ANKRD36: variants seen among roughly 807,000 people sequenced by gnomAD.
ANKRD36 encodes ankyrin repeat domain-containing protein 36A.
A neutral mutation model predicts 278.1 loss-of-function variants in ANKRD36; 179 were observed. The observed-to-expected ratio is 0.64, with a 90% CI of 0.57 to 0.73. The LOEUF (loss-of-function observed/expected upper bound fraction) is 0.73. Among genes scored for constraint, ANKRD36 ranks in the 30% least tolerant of loss-of-function variants. ANKRD36 has a pLI of 0.00. For missense variants in ANKRD36, 1,159 were observed against 1,956.7 expected, an observed-to-expected ratio of 0.59 and a Z score of 7.69; for synonymous variants, 320 against 641.1, an observed-to-expected ratio of 0.50 and a Z score of 7.57.
At chr2:97,176,439 A>T (rs1479548916) in intron 22 of ANKRD36, among the ~76,000 whole-genome samples, 1 of 97,366 alleles carries the variant, frequency 1.0e-5, no homozygotes, top group African/African-American at 2.7e-5. Context: ...AGAGACTAGG[A>T]TTGCAACCCC....
At chr2:97,200,056 G>A (rs1198251006) in intron 44 of ANKRD36, among the ~76,000 whole-genome samples, 2 of 151,828 alleles carry the variant, frequency 1.3e-5, no homozygotes, top group African/African-American at 2.4e-5. Context: ...CTCATCACTC[G>A]GCATATCCAC....
chr2:97,233,086 C>T (rs1257524728), intron 67 of ANKRD36, among the ~76,000 whole-genome samples: 4 of 151,424 alleles, frequency 2.6e-5, no homozygotes, highest in African/African-American at 4.9e-5. Flanking sequence ...TTCCAGAAGC[C>T]GTTATGTGAC....
At chr2:97,171,896 C>A (rs2052665473) in intron 22 of ANKRD36, among the ~76,000 whole-genome samples, 1 of 152,000 alleles carries the variant, frequency 6.6e-6, no homozygotes, top group South Asian at 2.1e-4. Context: ...GCAATGGCAA[C>A]AAAAGCCAGA....
Position 97,113,882 on chromosome 2 carries a change from T to C in ANKRD36, c.143T>C (p.Leu48Pro), listed in dbSNP as rs201414521. 2.2e-4 allele frequency: 354 copies of C among 1,613,002 alleles called. No individual in the cohort carries two copies. The highest frequency in any genetic ancestry group is 1.8e-4 in the Non-Finnish European group (218 of 1,179,970). ...GTCTTACATGGTAATCTAGAGAAAC[T>C]GAAGTACCTTCTGCTCACGTATTAT... ...RAVLHGNLEK[L>P]KYLLLTYYDA... The change falls in exon 1 of 76, where the codon CTG (leucine) becomes CCG (proline). Residue 48 changes from leucine (L) to proline (P), a missense_variant. By Grantham distance (98) the Leu-to-Pro change is moderately conservative. Coordinates refer to ENST00000420699, the MANE Select transcript of ANKRD36 (RefSeq NM_001354587.1).
chr2:97,195,558 T>C (rs938275226), intron 40 of ANKRD36, among the ~76,000 whole-genome samples: 3 of 152,016 alleles, frequency 2.0e-5, no homozygotes, highest in Admixed American at 6.6e-5. Context: ...AAAAACAAAA[T>C]GACTCATTAC....
intron 66 of ANKRD36, among the ~76,000 whole-genome samples, chr2:97,221,588 G>A (rs1159518546): frequency 1.4e-5 from 2 of 143,610 alleles, no homozygotes; most frequent in Admixed American, 7.0e-5. Flanking sequence ...TTTGAGAAGT[G>A]TCTGTTCATG....
chr2:97,133,413 G>A (rs1489224267), intron 6 of ANKRD36, among the ~76,000 whole-genome samples: 2 of 151,820 alleles, frequency 1.3e-5, no homozygotes, highest in Non-Finnish European at 2.9e-5. Flanking sequence ...GTTCTTATTC[G>A]ATTAACCTTT....
Position 97,200,529 on chromosome 2 carries a change from A to G in ANKRD36, c.2857+4A>G, listed in dbSNP as rs1167533898. 3 of 1,552,018 alleles carry G rather than the reference A, an allele frequency of 1.9e-6. No individual in the cohort carries two copies. The highest frequency in any genetic ancestry group is 2.6e-6 in the Non-Finnish European group (3 of 1,153,294). On this transcript the variant is annotated splice_donor_region_variant and intron_variant, in intron 46 of 75. Transcript: ENST00000420699. The stretch of plus-strand genomic sequence containing the variant: ...GATGGAGAAATATCTAGGAAAGGTA[A>G]TTTTGCGAAACACATTTAATGTCAT...
chr2:97,187,752 T>C (rs2057739313), intron 32 of ANKRD36, among the ~76,000 whole-genome samples: 2 of 151,804 alleles, frequency 1.3e-5, no homozygotes, highest in Non-Finnish European at 2.9e-5. Context: ...GTATAGATTC[T>C]ACAGACGTCA....
intron 3 of ANKRD36, among the ~76,000 whole-genome samples, 197 bp from the exon 4 acceptor site, chr2:97,122,690 G>A (rs1407398638): frequency 1.3e-5 from 2 of 150,866 alleles, no homozygotes; most frequent in African/African-American, 4.9e-5. Flanking sequence ...GAGTTCTTGT[G>A]GTGAGGCAGA....
chr2:97,192,882 T>C lies in ANKRD36; in HGVS notation c.2372T>C (p.Leu791Ser). ...GTVSSQKPPA[L>S]TATSDEEGSV... ...GTGTCTTCTCAGAAACCACCAGCCT[T>C]GACGGTAATGAAACACTCATTTATA... Residue 791 changes from leucine to serine, a missense_variant, in exon 37 of 76, where the codon TTG becomes TCG. Leu to Ser is a moderately radical substitution (Grantham distance 145). Coordinates refer to ENST00000420699, the MANE Select transcript of ANKRD36 (RefSeq NM_001354587.1). 6.2e-7 allele frequency: 1 copy of C among 1,603,842 alleles called. No individual in the cohort carries two copies. The highest frequency in any genetic ancestry group is 1.7e-5 in the Admixed American group (1 of 59,588).
chr2:97,194,357 CAT>C (rs2059200419), intron 38 of ANKRD36, among the ~76,000 whole-genome samples: 1 of 151,648 alleles, frequency 6.6e-6, no homozygotes, highest in African/African-American at 2.4e-5. Context: ...GCATGAAAGA[CAT>C]ATGGGATCAT....
At chr2:97,232,172 T>G (rs1316834099) in intron 67 of ANKRD36, among the ~76,000 whole-genome samples, 1 of 152,042 alleles carries the variant, frequency 6.6e-6, no homozygotes, top group Non-Finnish European at 1.5e-5. Context: ...AATTTTTCTC[T>G]TTTTACACTT....
intron 6 of ANKRD36, among the ~76,000 whole-genome samples, chr2:97,133,966 C>G (rs1470669767): frequency 3.3e-5 from 5 of 151,782 alleles, no homozygotes; most frequent in Admixed American, 3.3e-4. Flanking sequence ...TAAGTTCCCT[C>G]TTGGTATTGT....
rs1222926816 is a variant in ANKRD36, at chr2:97,202,420, A to G, written c.2959+27A>G. ...TAATTTTGAAAACAGATTTAATGTCATGTTCAGTCCAGGTAGATAAGAAGT... is the reference window on the plus strand; with the variant it reads ...TAATTTTGAAAACAGATTTAATGTCGTGTTCAGTCCAGGTAGATAAGAAGT... On this transcript the variant is annotated intron_variant, in intron 48 of 75. Coordinates refer to ENST00000420699, the MANE Select transcript of ANKRD36 (RefSeq NM_001354587.1). 4 of 1,544,210 alleles carry G rather than the reference A, an allele frequency of 2.6e-6. No individual in the cohort carries two copies. The African/African-American group carries it at 5.5e-5, about 21-fold the overall frequency.
At position 97,118,401 on chromosome 2, in the gene ANKRD36, C is replaced by G; in HGVS notation, c.370C>G (p.Pro124Ala). The G allele has an allele frequency of 1.2e-6, 2 of 1,608,024 alleles. No individual in the cohort carries two copies. Among genetic ancestry groups the G allele is most frequent in the Non-Finnish European group, 1.7e-6 (2 of 1,177,666 alleles). The change falls in exon 3 of 76, where the codon CCA becomes GCA. Residue 124 changes from proline to alanine, a missense_variant. Transcript: ENST00000420699. ...TCTTCTGCTGCAAAATGGCGCCAAT[C>G]CAAATATTACGGATTTCTTTGGAAG... ...ATLLLQNGAN[P>A]NITDFFGRTA... is the part of the protein sequence containing the mutation.
At chr2:97,141,677 A>T (rs199835376) in intron 6 of ANKRD36, among the ~76,000 whole-genome samples, 4 of 129,508 alleles carry the variant, frequency 3.1e-5, no homozygotes, top group Non-Finnish European at 6.6e-5. Context: ...AATGAAATAA[A>T]CATGAATGTG....
At chr2:97,184,507 A>G (rs1190670784) in intron 28 of ANKRD36, among the ~76,000 whole-genome samples, 3 of 151,816 alleles carry the variant, frequency 2.0e-5, no homozygotes, top group African/African-American at 2.4e-5. Flanking sequence ...TACTAAATGT[A>G]TTAATTGAAT....
intron 15 of ANKRD36, among the ~76,000 whole-genome samples, chr2:97,155,124 T>C (rs2047144145): frequency 7.2e-6 from 1 of 138,582 alleles, no homozygotes; most frequent in African/African-American, 2.5e-5. Context: ...ATAATACCTC[T>C]GTTTAAATGA....
Sources: allele counts gnomAD v4.1 joint callset (sites outside exome capture counted in the v4.1 genomes callset), GRCh38; gene constraint gnomAD v4.1.1; transcripts MANE v1.5; gene names NCBI Gene and HGNC (gene_info 2026-07-23, HGNC 2026-07-21).